The following DAB1 variants were observed in gnomAD, a reference collection of about 807,000 sequenced individuals.
The protein encoded by DAB1 is disabled homolog 1.
DAB1 carries 15 observed loss-of-function variants against 64.6 expected under a neutral mutation model. The observed-to-expected ratio is 0.23, with a 90% CI of 0.16 to 0.36. The LOEUF is 0.36. DAB1 is among the 10% of genes least tolerant of loss of function. The pLI, the probability that DAB1 is intolerant of heterozygous loss-of-function variation, is 1.00. For missense variants in DAB1, 596 were observed against 706.7 expected, an observed-to-expected ratio of 0.84 and a Z score of 1.78; for synonymous variants, 235 against 251.9, an observed-to-expected ratio of 0.93 and a Z score of 0.64.
At chr1:58,227,752 G>A (rs1454712641) in intron 4 of DAB1, among the ~76,000 whole-genome samples, 3 of 152,116 alleles carry the variant, frequency 2.0e-5, no homozygotes, top group East Asian at 1.9e-4. Flanking sequence ...AGTGTAAGCC[G>A]GTCTCAGCTC....
chr1:58,237,635 G>A (rs1374589298), intron 4 of DAB1, among the ~76,000 whole-genome samples: 3 of 152,024 alleles, frequency 2.0e-5, no homozygotes, highest in African/African-American at 4.8e-5. Context: ...ACTGAAACCC[G>A]GTGTCAAGAG....
intron 7 of DAB1, among the ~76,000 whole-genome samples, chr1:57,648,716 G>C (rs1646222693): frequency 6.6e-6 from 1 of 152,140 alleles, no homozygotes; most frequent in South Asian, 2.1e-4. Context: ...TATTATCTGG[G>C]CTTTTAATGG....
At chr1:58,194,057 C>T (rs1657535737) in intron 4 of DAB1, among the ~76,000 whole-genome samples, 1 of 152,170 alleles carries the variant, frequency 6.6e-6, no homozygotes, top group Admixed American at 6.5e-5. Flanking sequence ...AAGAGATTAG[C>T]CATATGCACA....
intron 7 of DAB1, among the ~76,000 whole-genome samples, chr1:57,576,134 A>G (rs1645247497): frequency 6.6e-6 from 1 of 152,014 alleles, no homozygotes; most frequent in Non-Finnish European, 1.5e-5. Context: ...TTTTATTTTT[A>G]TTATTTTTAT....
chr1:57,838,478 T>C (rs1381106109), intron 1 of DAB1, among the ~76,000 whole-genome samples: 1 of 152,092 alleles, frequency 6.6e-6, no homozygotes, highest in Non-Finnish European at 1.5e-5. Flanking sequence ...ACTGGTGTGA[T>C]TGAAAGATGT....
At chr1:57,251,635 T>G (rs1250910954) in intron 2 of DAB1, among the ~76,000 whole-genome samples, 1 of 152,150 alleles carries the variant, frequency 6.6e-6, no homozygotes, top group Non-Finnish European at 1.5e-5. Context: ...GATTTTCTCA[T>G]TTCAGGACTT....
At chr1:57,615,894 T>C (rs1645785937) in intron 7 of DAB1, among the ~76,000 whole-genome samples, 1 of 152,204 alleles carries the variant, frequency 6.6e-6, no homozygotes, top group Non-Finnish European at 1.5e-5. Flanking sequence ...AGGAAGTTCA[T>C]AATGAAATAC....
rs112521010 is a variant in DAB1, at chr1:57,701,031, G to A, written n.552-51366C>T. Among the ~76,000 whole-genome samples, 883 of 151,448 alleles carry A rather than the reference G, an allele frequency of 5.8e-3. 16 individuals are homozygous for A. The highest frequency in any genetic ancestry group is 0.046 in the South Asian group (221 of 4,812). On this transcript the variant is annotated intron_variant and non_coding_transcript_variant, in intron 6 of 20. Transcript: ENST00000485760. ...ACCATCTCACACCAGTTAGAATGGC[G>A]ATCATTAAAAAGTCAGGAAACAACA... is the stretch of plus-strand genomic sequence containing the variant.
intron 1 of DAB1, chr1:58,534,066 C>G (rs779372357): frequency 1.2e-6 from 1 of 869,360 alleles, no homozygotes; most frequent in South Asian, 1.3e-5. Context: ...CCATTCTGCA[C>G]CACAAAGAAA....
At chr1:58,411,179 G>A (rs1190502089) in intron 3 of DAB1, among the ~76,000 whole-genome samples, 1 of 152,102 alleles carries the variant, frequency 6.6e-6, no homozygotes, top group African/African-American at 2.4e-5. Flanking sequence ...CTGAACAACA[G>A]ATATTTACTG....
At position 57,385,270 on chromosome 1, in the gene DAB1, A is replaced by G. The variant is rs193298250; in HGVS notation, c.-137+38660T>C. Among the ~76,000 whole-genome samples the G allele has an allele frequency of 1.1e-4, 17 of 152,360 alleles. No individual in the cohort carries two copies. The East Asian group carries it at 2.7e-3, about 24-fold the overall frequency. ...AGAAATAGGACAACCTTGAGTCTAG[A>G]TGTTTCACATAAAATTATTTCTTGA... On this transcript the variant is annotated intron_variant, in intron 1 of 14. Transcript: ENST00000371236.
intron 5 of DAB1, among the ~76,000 whole-genome samples, chr1:58,046,517 G>A (rs1016122093): frequency 2.6e-5 from 4 of 151,984 alleles, no homozygotes; most frequent in African/African-American, 9.7e-5. Context: ...TCTGAAACTA[G>A]GAAGGATGTG....
chr1:58,132,420 T>G (rs1029388412), intron 5 of DAB1, among the ~76,000 whole-genome samples: 2 of 152,212 alleles, frequency 1.3e-5, no homozygotes, highest in African/African-American at 2.4e-5. Flanking sequence ...ACCCGTCTTC[T>G]GCGTCGCTCA....
intron 2 of DAB1, among the ~76,000 whole-genome samples, chr1:58,517,385 C>G (rs1270477711): frequency 2.0e-5 from 3 of 152,216 alleles, no homozygotes; most frequent in Non-Finnish European, 4.4e-5. Flanking sequence ...CATTGTTTCT[C>G]TTGCCTTTGA....
chr1:57,979,210 A>G (rs930486053), intron 5 of DAB1, among the ~76,000 whole-genome samples: 7 of 152,248 alleles, frequency 4.6e-5, no homozygotes, highest in Non-Finnish European at 1.0e-4. Flanking sequence ...TGGCACATAT[A>G]CACCATGGAA....
intron 6 of DAB1, among the ~76,000 whole-genome samples, chr1:57,702,992 A>G (rs1422473738): frequency 6.6e-6 from 1 of 152,308 alleles, no homozygotes; most frequent in East Asian, 1.9e-4. Context: ...CTATATACAG[A>G]AGATTGAAAC....
At chr1:58,457,673 TACAG>T (rs1459207678) in intron 3 of DAB1, among the ~76,000 whole-genome samples, 2 of 152,208 alleles carry the variant, frequency 1.3e-5, no homozygotes, top group South Asian at 2.1e-4. Flanking sequence ...CCGTCTCTGT[TACAG>T]ACAAACTTCC....
intron 11 of DAB1, among the ~76,000 whole-genome samples, chr1:57,021,360 A>G (rs1049833898): frequency 1.3e-5 from 2 of 152,210 alleles, no homozygotes; most frequent in African/African-American, 4.8e-5. Flanking sequence ...TGACTGACCC[A>G]GTGATATGGT....
intron 2 of DAB1, among the ~76,000 whole-genome samples, chr1:57,220,226 T>A (rs953158788): frequency 1.3e-5 from 2 of 152,204 alleles, no homozygotes; most frequent in Admixed American, 6.5e-5. Context: ...CTGGTGGTCA[T>A]CTTGCTATAA....
Sources: allele counts gnomAD v4.1 joint callset (sites outside exome capture counted in the v4.1 genomes callset), GRCh38; gene constraint gnomAD v4.1.1; transcripts MANE v1.5; gene names NCBI Gene and HGNC (gene_info 2026-07-23, HGNC 2026-07-21).